PCDH15: variants seen among roughly 807,000 people sequenced by gnomAD.
The protein encoded by PCDH15 is protocadherin related 15.
PCDH15 carries 129 observed loss-of-function variants against 178.5 expected under a neutral mutation model. The ratio of observed to expected loss-of-function variants is 0.72; its 90% CI spans 0.63 to 0.84. PCDH15 has a LOEUF of 0.84. Ranked by LOEUF, PCDH15 falls within the 40% of genes least tolerant of loss-of-function variation. The pLI is 0.00. For synonymous variants in PCDH15, 800 were observed against 732.0 expected, an observed-to-expected ratio of 1.09 and a Z score of -1.50; for missense variants, 2,230 against 2,099.9, an observed-to-expected ratio of 1.06 and a Z score of -1.21.
At chr10:54,936,170 C>G (rs1166220702) in intron 2 of PCDH15, among the ~76,000 whole-genome samples, 1 of 151,984 alleles carries the variant, frequency 6.6e-6, no homozygotes, top group East Asian at 1.9e-4. Flanking sequence ...TGGTTTCTCT[C>G]ACTTAGTGTA....
At chr10:55,195,023 ATT>A (rs763738202) in intron 1 of PCDH15, among the ~76,000 whole-genome samples, 21 of 140,428 alleles carry the variant, frequency 1.5e-4, no homozygotes, top group Admixed American at 2.2e-4. Flanking sequence ...GAAGAAGAAA[ATT>A]TTTTTTTTTT....
chr10:53,813,880 T>C (rs926029048), intron 35 of PCDH15, among the ~76,000 whole-genome samples: 43 of 152,294 alleles, frequency 2.8e-4, no homozygotes, highest in Middle Eastern at 3.4e-3. Flanking sequence ...ATAGAAGAGC[T>C]TGAGGGGCAT....
chr10:54,626,284 T>C (rs2134570746), intron 2 of PCDH15, among the ~76,000 whole-genome samples: 1 of 152,198 alleles, frequency 6.6e-6, no homozygotes, highest in Non-Finnish European at 1.5e-5. Flanking sequence ...AAATTTGCAG[T>C]AGTAACAAGG....
intron 1 of PCDH15, among the ~76,000 whole-genome samples, chr10:55,188,850 C>T: frequency 6.6e-6 from 1 of 151,770 alleles, no homozygotes; most frequent in East Asian, 1.9e-4. Context: ...TACCACATTA[C>T]ATTCAACTAT....
rs187237292 is a variant in PCDH15, at chr10:55,531,008, C to T, written c.-156+96617G>A. Among the ~76,000 whole-genome samples the T allele has an allele frequency of 5.2e-3, 362 of 69,944 alleles. 1 individual carries two copies. The highest frequency in any genetic ancestry group is 9.5e-3 in the Admixed American group (61 of 6,392). The allele number at this position is 69,944 out of a possible 152,430, so 45.9% of individuals were successfully genotyped here. ...TGTCAAAGTCTACAAATTAGGGTTG[C>T]TTTTGTTTGTTTGTTTGTTTGTTTC... On this transcript the variant is annotated intron_variant, in intron 2 of 5. Transcript: ENST00000613346.
intron 2 of PCDH15, among the ~76,000 whole-genome samples, chr10:54,643,900 G>C (rs1339554965): frequency 6.7e-6 from 1 of 148,416 alleles, no homozygotes; most frequent in African/African-American, 2.5e-5. Flanking sequence ...CATGTGCCAT[G>C]CTGGTGTGCT....
chr10:54,848,921 T>C (rs1282526506), intron 3 of PCDH15, among the ~76,000 whole-genome samples: 1 of 152,116 alleles, frequency 6.6e-6, no homozygotes, highest in Non-Finnish European at 1.5e-5. Context: ...CTAAAGAAAA[T>C]TGAAAGGCAT....
intron 2 of PCDH15, among the ~76,000 whole-genome samples, chr10:54,967,187 T>C (rs1838813196): frequency 6.6e-6 from 1 of 152,188 alleles, no homozygotes; most frequent in African/African-American, 2.4e-5. Context: ...GTCACTAGGC[T>C]ATAGGAATTT....
At chr10:55,463,654 T>C (rs972798475) in intron 2 of PCDH15, among the ~76,000 whole-genome samples, 18 of 151,876 alleles carry the variant, frequency 1.2e-4, no homozygotes, top group African/African-American at 4.1e-4. Flanking sequence ...GGATAAACTG[T>C]TGGAGAAAGC....
At chr10:54,066,696 T>A in intron 18 of PCDH15, 61 bp downstream of exon 18, 1 of 1,533,564 alleles carries the variant, frequency 6.5e-7, no homozygotes, top group Non-Finnish European at 9.0e-7. Context: ...AGAATTAAAA[T>A]GTAATAAACT....
chr10:54,945,307 CAGAT>C (rs1838165542), intron 2 of PCDH15, among the ~76,000 whole-genome samples: 1 of 149,148 alleles, frequency 6.7e-6, no homozygotes, highest in Non-Finnish European at 1.5e-5. Context: ...GAGATAGGTG[CAGAT>C]AGATGGATGT....
At chr10:55,520,184 G>A (rs1176899285) in intron 2 of PCDH15, among the ~76,000 whole-genome samples, 1 of 54,514 alleles carries the variant, frequency 1.8e-5, no homozygotes, top group Non-Finnish European at 3.3e-5. Flanking sequence ...CACGCAATGT[G>A]TATATATATA....
intron 9 of PCDH15, among the ~76,000 whole-genome samples, chr10:54,233,561 G>A (rs553503290): frequency 3.2e-4 from 49 of 152,246 alleles, no homozygotes; most frequent in Admixed American, 5.9e-4. Flanking sequence ...GATCTATACT[G>A]AAGAACATTC....
At chr10:54,138,128 T>G (rs952243326) in intron 14 of PCDH15, among the ~76,000 whole-genome samples, 1 of 152,054 alleles carries the variant, frequency 6.6e-6, no homozygotes, top group South Asian at 2.1e-4. Context: ...TTTAAAGAAA[T>G]TTTTATTTGT....
chr10:54,521,825 C>T (rs1465187695), intron 3 of PCDH15, among the ~76,000 whole-genome samples: 4 of 151,990 alleles, frequency 2.6e-5, no homozygotes, highest in Non-Finnish European at 5.9e-5. Context: ...CGTGGTGGCT[C>T]ATGCCTGTAA....
intron 3 of PCDH15, among the ~76,000 whole-genome samples, chr10:54,442,071 A>T (rs2075821256): frequency 1.3e-5 from 2 of 151,638 alleles, no homozygotes; most frequent in Non-Finnish European, 2.9e-5. Flanking sequence ...ATATTAAAAC[A>T]AGTAAAGTTG....
chr10:54,435,831 G>C lies in PCDH15; in HGVS notation c.158-56889C>G, dbSNP rs12262333. Among the ~76,000 whole-genome samples, 1,325 of 151,948 alleles carry C rather than the reference G, an allele frequency of 8.7e-3. 20 individuals are homozygous for C. The highest frequency in any genetic ancestry group is 0.026 in the African/African-American group (1,083 of 41,372). The stretch of plus-strand genomic sequence containing the variant: ...TAAAGACACAAAAAATTAGCCGGTC[G>C]TGGTGGCGGGCGCCTGTAGTCCCAG... On this transcript the variant is annotated intron_variant, in intron 3 of 37. Transcript: ENST00000644397.
intron 2 of PCDH15, among the ~76,000 whole-genome samples, chr10:55,046,096 T>A (rs1840997707): frequency 6.6e-6 from 1 of 152,064 alleles, no homozygotes; most frequent in South Asian, 2.1e-4. Flanking sequence ...GTACTAAGCA[T>A]ACAGAGGGAT....
chr10:54,626,881 G>A (rs2093569143), intron 2 of PCDH15, among the ~76,000 whole-genome samples: 1 of 152,148 alleles, frequency 6.6e-6, no homozygotes, highest in Non-Finnish European at 1.5e-5. Flanking sequence ...TGAGACTGTA[G>A]CCTGCAAAGC....
Sources: gnomAD v4.1 joint callset for allele counts (sites outside exome capture counted in the v4.1 genomes callset) on GRCh38, gnomAD v4.1.1 for gene constraint, MANE v1.5 for transcripts, NCBI Gene and HGNC (gene_info 2026-07-23, HGNC 2026-07-21) for gene names.